The following MAP3K1 variants were observed in gnomAD, a reference collection of about 807,000 sequenced individuals.
MAP3K1 encodes the protein MAP/ERK kinase kinase 1.
In MAP3K1, 36 loss-of-function variants were observed where a neutral mutation model predicts 144.2. The observed-to-expected ratio is 0.25, with a 90% CI of 0.19 to 0.33. MAP3K1 has a LOEUF of 0.33. Ranked by LOEUF, MAP3K1 falls within the 10% of genes least tolerant of loss-of-function variation. The pLI, the probability that MAP3K1 is intolerant of heterozygous loss-of-function variation, is 1.00. For synonymous variants in MAP3K1, 718 were observed against 688.7 expected, an observed-to-expected ratio of 1.04 and a Z score of -0.67; for missense variants, 1,650 against 1,881.9, an observed-to-expected ratio of 0.88 and a Z score of 2.28.
At chr5:56,829,116 A>C (rs1408913568) in intron 1 of MAP3K1, among the ~76,000 whole-genome samples, 2 of 152,016 alleles carry the variant, frequency 1.3e-5, no homozygotes, top group African/African-American at 4.8e-5. Flanking sequence ...TAATCATTGT[A>C]ATTGCACCAA....
chr5:56,880,656 T>G (rs1036568373), intron 11 of MAP3K1, 55 bp from the exon 12 acceptor site: 3 of 1,156,234 alleles, frequency 2.6e-6, no homozygotes, highest in Non-Finnish European at 3.9e-6. Context: ...CCTCTAATAT[T>G]GTATAGTGTT....
intron 1 of MAP3K1, among the ~76,000 whole-genome samples, chr5:56,831,794 T>G (rs1032883175): frequency 6.6e-6 from 1 of 152,220 alleles, no homozygotes; most frequent in African/African-American, 2.4e-5. Flanking sequence ...GATAATACTT[T>G]GAAAACCTAA....
At chr5:56,816,320 G>A (rs1417039561) in intron 1 of MAP3K1, among the ~76,000 whole-genome samples, 5 of 152,050 alleles carry the variant, frequency 3.3e-5, no homozygotes, top group Non-Finnish European at 5.9e-5. Flanking sequence ...TCTCTGCGGG[G>A]AACCGTTGCG....
rs76258757 is a variant in MAP3K1, at chr5:56,844,831, C to T, written c.483-11769C>T. Reference sequence around the variant, plus strand: ...GGTAGGTGTGCCAGCATTCATTGAACGGAGTGGTTTGCTAGCATTCAAAGC... The same window carrying T: ...GGTAGGTGTGCCAGCATTCATTGAATGGAGTGGTTTGCTAGCATTCAAAGC... On this transcript the variant is annotated intron_variant, in intron 1 of 19. Transcript: ENST00000399503. 9.2e-5 allele frequency among the ~76,000 whole-genome samples: 14 copies of T among 152,074 alleles called. No homozygotes were observed. The East Asian group carries it at 1.6e-3, about 17-fold the overall frequency.
At chr5:56,854,472 A>C in intron 1 of MAP3K1, among the ~76,000 whole-genome samples, 1 of 151,752 alleles carries the variant, frequency 6.6e-6, no homozygotes, top group Non-Finnish European at 1.5e-5. Context: ...GAAAAAAATA[A>C]TCTCATAGTC....
intron 1 of MAP3K1, among the ~76,000 whole-genome samples, chr5:56,818,441 TC>T (rs775618024): frequency 2.6e-5 from 4 of 152,266 alleles, no homozygotes; most frequent in East Asian, 3.9e-4. Flanking sequence ...AGTTCTGTGA[TC>T]TTTTTTTTAA....
chr5:56,828,111 C>T (rs1377384470), intron 1 of MAP3K1, among the ~76,000 whole-genome samples: 1 of 152,180 alleles, frequency 6.6e-6, no homozygotes, highest in Non-Finnish European at 1.5e-5. Context: ...GAGCCTCCCC[C>T]AAGGTTGCTG....
At chr5:56,864,000 G>A (rs1233811994) in intron 3 of MAP3K1, among the ~76,000 whole-genome samples, 3 of 152,176 alleles carry the variant, frequency 2.0e-5, no homozygotes, top group African/African-American at 7.2e-5. Flanking sequence ...GGCAGCGTTT[G>A]TAAATTTCCT....
intron 9 of MAP3K1, among the ~76,000 whole-genome samples, chr5:56,874,461 G>A (rs1198108822): frequency 6.6e-6 from 1 of 152,008 alleles, no homozygotes; most frequent in Non-Finnish European, 1.5e-5. Flanking sequence ...TGTTTGATTT[G>A]TCCACTCCAT....
At chr5:56,848,113 T>A (rs558294914) in intron 1 of MAP3K1, among the ~76,000 whole-genome samples, 42 of 143,098 alleles carry the variant, frequency 2.9e-4, no homozygotes, top group Non-Finnish European at 5.4e-4. Flanking sequence ...AAAAAAAAAA[T>A]TGATACAGAG....
chr5:56,877,145 G>T (rs1460577501), intron 10 of MAP3K1, among the ~76,000 whole-genome samples: 1 of 152,172 alleles, frequency 6.6e-6, no homozygotes, highest in Non-Finnish European at 1.5e-5. Context: ...AGCATCTGGA[G>T]GGACCAGCAT....
chr5:56,860,409 G>A (rs1018480905), intron 3 of MAP3K1, among the ~76,000 whole-genome samples: 3 of 152,188 alleles, frequency 2.0e-5, no homozygotes, highest in Non-Finnish European at 4.4e-5. Flanking sequence ...TAAAGGAGAA[G>A]TATTTGTGCG....
intron 6 of MAP3K1, among the ~76,000 whole-genome samples, chr5:56,871,193 T>C (rs1747839521): frequency 6.6e-6 from 1 of 152,174 alleles, no homozygotes; most frequent in Non-Finnish European, 1.5e-5. Context: ...TATTTTGACC[T>C]CATTTATGGA....
intron 5 of MAP3K1, 138 bp downstream of exon 5, chr5:56,865,594 A>G (rs1226265215): frequency 5.6e-6 from 4 of 708,440 alleles, no homozygotes; most frequent in South Asian, 3.5e-5. Flanking sequence ...ATGCTTATAA[A>G]TAGTTCTCAT....
intron 10 of MAP3K1, 51 bp downstream of exon 10, chr5:56,875,361 A>T: frequency 6.3e-7 from 1 of 1,590,882 alleles, no homozygotes; most frequent in East Asian, 2.2e-5. Context: ...GGGTTTTTTG[A>T]TGGTTCGTAG....
chr5:56,860,051 G>T, intron 3 of MAP3K1, 136 bp downstream of exon 3: 1 of 811,642 alleles, frequency 1.2e-6, no homozygotes, highest in South Asian at 1.5e-5. Flanking sequence ...GATGGGGGGG[G>T]TGGTTCCTGA....
chr5:56,851,113 A>C (rs1369852545), intron 1 of MAP3K1, among the ~76,000 whole-genome samples: 1 of 151,756 alleles, frequency 6.6e-6, no homozygotes, highest in Admixed American at 6.6e-5. Flanking sequence ...TGCCCGGCTA[A>C]TTTTGTATTT....
Position 56,887,515 on chromosome 5 carries a change from C to T in MAP3K1, c.4252C>T (p.Pro1418Ser). 1 of 1,614,054 alleles carries T rather than the reference C, an allele frequency of 6.2e-7. No homozygotes were observed. Among genetic ancestry groups the T allele is most frequent in the Non-Finnish European group, 8.5e-7 (1 of 1,179,976 alleles). Residue 1418 changes from proline (P) to serine (S), a missense_variant, in exon 18 of 20, where the codon CCT becomes TCT. Around this residue, in one of 6 missense-constraint regions of MAP3K1, gnomAD observed 165 missense variants for 322.9 expected, o/e 0.51. Transcript: ENST00000399503. ...QLLGTIAFMAPEVLRGQQYGR... is the reference protein window; with the variant it reads ...QLLGTIAFMASEVLRGQQYGR... ...ACTGGGGACAATTGCATTTATGGCA[C>T]CTGAGGTGAGAAGCATCTTTGAGTG... is the stretch of plus-strand genomic sequence containing the variant.
Position 56,893,684 on chromosome 5 carries a change from A to G in MAP3K1, c.*4A>G, listed in dbSNP as rs1487463322. 1.6e-5 allele frequency: 26 copies of G among 1,613,646 alleles called. No individual in the cohort carries two copies. The highest frequency in any genetic ancestry group is 1.6e-5 in the Non-Finnish European group (19 of 1,179,764). The stretch of plus-strand genomic sequence containing the variant: ...AGTCTTTCGTACTACATGGTAGCCA[A>G]TTATGCAGATCAACTACAGTAGAAA... On this transcript the variant is annotated 3_prime_UTR_variant, in exon 20 of 20. Transcript: ENST00000399503.
Sources: gnomAD v4.1 joint callset for allele counts (sites outside exome capture counted in the v4.1 genomes callset) on GRCh38, gnomAD v4.1.1 for gene constraint, gnomAD v4.1.1 regional missense constraint, MANE v1.5 for transcripts, NCBI Gene and HGNC (gene_info 2026-07-23, HGNC 2026-07-21) for gene names.